Variants in PCDHA4 observed in about 807,000 individuals in gnomAD.
The protein encoded by PCDHA4 is protocadherin alpha 4.
PCDHA4 carries 49 observed loss-of-function variants against 61.4 expected under a neutral mutation model. The observed-to-expected ratio is 0.80, with a 90% CI of 0.63 to 1.01. The LOEUF (loss-of-function observed/expected upper bound fraction) is 1.01, where lower values mean the gene tolerates loss of function less well. Among genes scored for constraint, PCDHA4 ranks in the 50% least tolerant of loss-of-function variants. The pLI, the probability that PCDHA4 is intolerant of heterozygous loss-of-function variation, is 0.00. For missense variants in PCDHA4, 1,254 were observed against 1,235.8 expected (o/e 1.01, Z -0.22); for synonymous variants, 590 against 550.3 (o/e 1.07, Z -1.01).
intron 1 of PCDHA4, chr5:140,829,487 G>A (rs2150168729): frequency 6.2e-7 from 1 of 1,613,742 alleles, no homozygotes; most frequent in East Asian, 2.2e-5. Flanking sequence ...GTTCGTGAAG[G>A]AGAACAACCC....
chr5:140,853,937 G>A (rs367556947), intron 1 of PCDHA4: 2 of 835,562 alleles, frequency 2.4e-6, no homozygotes, highest in Non-Finnish European at 2.9e-6. Flanking sequence ...GGGAGGCCAA[G>A]GTGGGAGGGT....
intron 1 of PCDHA4, among the ~76,000 whole-genome samples, chr5:140,922,237 G>A (rs2080732766): frequency 6.6e-6 from 1 of 152,156 alleles, no homozygotes; most frequent in Non-Finnish European, 1.5e-5. Flanking sequence ...ACCATGATGT[G>A]TATGAAGATA....
chr5:140,974,396 G>C (rs1413050341), intron 1 of PCDHA4, among the ~76,000 whole-genome samples: 1 of 152,178 alleles, frequency 6.6e-6, no homozygotes, highest in Admixed American at 6.5e-5. Context: ...CATTAGGTAT[G>C]TTCTAAAGTT....
chr5:140,898,995 T>C (rs1176186680), intron 1 of PCDHA4, among the ~76,000 whole-genome samples: 4 of 151,956 alleles, frequency 2.6e-5, no homozygotes, highest in Non-Finnish European at 5.9e-5. Flanking sequence ...TCTGTTTGTC[T>C]GTTATTGGTG....
chr5:140,882,335 GCCTGGGAGACGGGTAGTGGCCAGCT>G (rs1554173599), intron 1 of PCDHA4: 11 of 1,614,078 alleles, frequency 6.8e-6, no homozygotes, highest in Non-Finnish European at 9.3e-6. Flanking sequence ...GATCCTCGCA[GCCTGGGAGACGGGTAGTGGCCAGCT>G]CCACTACTCC....
At position 140,857,274 on chromosome 5, in the gene PCDHA4, AC is replaced by A. The variant is rs782434085; in HGVS notation, c.2385+47703del. 196 of 1,598,554 alleles carry A rather than the reference AC, an allele frequency of 1.2e-4. 15 individuals are homozygous for A. The highest frequency in any genetic ancestry group is 3.4e-5 in the Admixed American group (2 of 59,316). On this transcript the variant is annotated intron_variant, in intron 1 of 3. Transcript: ENST00000530339. ...AAGAATTACTACTCATTGGTGCTGG[AC>A]AGCGCTCTGGACCGCGAGAGGGTGT...
intron 1 of PCDHA4, chr5:140,856,554 A>G: frequency 1.3e-6 from 2 of 1,598,244 alleles, no homozygotes; most frequent in Non-Finnish European, 1.7e-6. Context: ...TTGCTTACTT[A>G]CAAACTCAGT....
Position 140,858,304 on chromosome 5 carries a change from G to A in PCDHA4, c.2385+48732G>A, listed in dbSNP as rs1370473412. 5 of 1,597,320 alleles carry A rather than the reference G, an allele frequency of 3.1e-6. No homozygotes were observed. In the African/African-American group the frequency reaches 6.7e-5, roughly 21 times the overall value. ...GGAGCTGGTCTTACTCGCAGCAGAG[G>A]CGGCAGAGGGTGTGTTCTGGGGAGG... On this transcript the variant is annotated intron_variant, in intron 1 of 3. Transcript: ENST00000530339.
intron 3 of PCDHA4, among the ~76,000 whole-genome samples, chr5:140,994,726 G>T (rs774837274): frequency 3.0e-4 from 45 of 151,958 alleles, no homozygotes; most frequent in Non-Finnish European, 3.7e-4. Flanking sequence ...TAAAATACTG[G>T]GTATTGCAGG....
Position 141,009,714 on chromosome 5 carries a change from A to G in PCDHA4, c.2621A>G (p.Lys874Arg), listed in dbSNP as rs1175529844. 1 of 1,613,966 alleles carries G rather than the reference A, an allele frequency of 6.2e-7. No homozygotes were observed. Among genetic ancestry groups the G allele is most frequent in the Non-Finnish European group, 8.5e-7 (1 of 1,180,012 alleles). Reference protein sequence around the residue: ...WTFKYGPGNPKQSGPGELPDK... With the variant: ...WTFKYGPGNPRQSGPGELPDK... ...TTTAAATACGGACCAGGCAACCCCA[A>G]ACAATCCGGTCCCGGTGAGTTGCCC... The change falls in exon 4 of 4, where the codon AAA becomes AGA. Residue 874 changes from lysine to arginine, a missense_variant. By Grantham distance (26) the Lys-to-Arg change is conservative. Transcript: ENST00000530339.
chr5:140,886,841 A>AG (rs1432829346), intron 1 of PCDHA4, among the ~76,000 whole-genome samples: 1 of 151,546 alleles, frequency 6.6e-6, no homozygotes, highest in Non-Finnish European at 1.5e-5. Flanking sequence ...AAAAAAAAAA[A>AG]AAAAAAGAAA....
intron 1 of PCDHA4, among the ~76,000 whole-genome samples, chr5:140,844,762 T>C (rs1779533544): frequency 6.7e-6 from 1 of 149,418 alleles, no homozygotes; most frequent in Non-Finnish European, 1.5e-5. Context: ...CTTTGAAAAA[T>C]CCAAGATACT....
At position 140,809,304 on chromosome 5, in the gene PCDHA4, C is replaced by T. The variant is rs1554125129; in HGVS notation, c.2117C>T (p.Ala706Val). 6.8e-6 allele frequency: 11 copies of T among 1,614,122 alleles called. No homozygotes were observed. The East Asian group carries it at 2.0e-4, about 29-fold the overall frequency. Residue 706 changes from alanine to valine, a missense_variant, in exon 1 of 4, where the codon GCG (alanine) becomes GTG (valine). Transcript: ENST00000530339. ...VNVYLIIAIC[A>V]VSSLLVLTLL... ...GTATACCTGATCATTGCCATCTGCG[C>T]GGTGTCCAGCCTTTTGGTGCTCACG... is the stretch of plus-strand genomic sequence containing the variant.
intron 1 of PCDHA4, among the ~76,000 whole-genome samples, chr5:140,917,832 C>T (rs1554198323): frequency 1.3e-5 from 2 of 151,488 alleles, no homozygotes; most frequent in Admixed American, 6.6e-5. Context: ...AGTGTGATGT[C>T]CTTCTTGTTC....
chr5:140,850,962 G>A lies in PCDHA4; in HGVS notation c.2385+41390G>A, dbSNP rs2150504046. On this transcript the variant is annotated intron_variant, in intron 1 of 3. Coordinates refer to ENST00000530339, the MANE Select transcript of PCDHA4 (RefSeq NM_018907.4). Reference sequence around the variant, plus strand: ...AAGATATTATCGATTACTCCCAGGGGCCGTTCAAATAGTTTTATTCATTTT... The same window carrying A: ...AAGATATTATCGATTACTCCCAGGGACCGTTCAAATAGTTTTATTCATTTT... 3.4e-6 allele frequency: 5 copies of A among 1,475,076 alleles called. No homozygotes were observed. In the African/African-American group the frequency reaches 7.1e-5, roughly 21 times the overall value. The allele number at this position is 1,475,076 out of a possible 1,614,324, so 91.4% of individuals were successfully genotyped here. A position where few individuals can be genotyped will look rare whatever the true frequency, so the allele number is the denominator to read the frequency against.
chr5:140,945,947 ACCCTGAAAG>A (rs1554217229), intron 1 of PCDHA4, among the ~76,000 whole-genome samples: 1 of 152,132 alleles, frequency 6.6e-6, no homozygotes, highest in Admixed American at 6.5e-5. Flanking sequence ...TTTTTATATG[ACCCTGAAAG>A]CACAGGCAAT....
At chr5:140,914,451 C>A (rs879984519) in intron 1 of PCDHA4, among the ~76,000 whole-genome samples, 1 of 152,094 alleles carries the variant, frequency 6.6e-6, no homozygotes, top group Non-Finnish European at 1.5e-5. Context: ...TCTTTATTTT[C>A]CAGTCTATGT....
chr5:140,968,597 G>T, intron 1 of PCDHA4: 1 of 1,614,176 alleles, frequency 6.2e-7, no homozygotes, highest in Non-Finnish European at 8.5e-7. Context: ...CATAGCTATG[G>T]ACTCAGACTC....
intron 1 of PCDHA4, chr5:140,882,874 A>G (rs376046205): frequency 1.9e-6 from 3 of 1,614,108 alleles, no homozygotes; most frequent in Non-Finnish European, 2.5e-6. Context: ...CACTGGACAG[A>G]GAGGAAATTC....
Sources: allele counts gnomAD v4.1 joint callset (sites outside exome capture counted in the v4.1 genomes callset), GRCh38; gene constraint gnomAD v4.1.1; transcripts MANE v1.5; gene names NCBI Gene and HGNC (gene_info 2026-07-23, HGNC 2026-07-21).